The following LIPA variants were observed in gnomAD, a reference collection of about 807,000 sequenced individuals.
The protein encoded by LIPA is lipase A, lysosomal acid type.
A neutral mutation model predicts 40.6 loss-of-function variants in LIPA; 26 were observed. The observed-to-expected ratio is 0.64, with a 90% CI of 0.47 to 0.89. The LOEUF is 0.89. Ranked by LOEUF, LIPA falls within the 40% of genes least tolerant of loss-of-function variation. The probability of loss-of-function intolerance (pLI) is 0.00; values close to 1 mark genes in which losing one functional copy is unlikely to be tolerated. For missense variants in LIPA, 455 were observed against 479.6 expected, an observed-to-expected ratio of 0.95 and a Z score of 0.48; for synonymous variants, 188 against 168.4, an observed-to-expected ratio of 1.12 and a Z score of -0.90.
chr10:89,305,723 A>C (rs1843473668), intron 1 of LIPA, among the ~76,000 whole-genome samples: 1 of 152,116 alleles, frequency 6.6e-6, no homozygotes, highest in Non-Finnish European at 1.5e-5. Context: ...CTAGCCACAG[A>C]CTCAGAGAAC....
At chr10:89,222,744 A>G (rs1315016057) in intron 7 of LIPA, among the ~76,000 whole-genome samples, 162 bp from the exon 8 acceptor site, 1 of 152,232 alleles carries the variant, frequency 6.6e-6, no homozygotes, top group Non-Finnish European at 1.5e-5. Context: ...AATCTGCCCT[A>G]TAAAAATACA....
At chr10:89,389,417 G>C (rs754623113) in intron 2 of LIPA, among the ~76,000 whole-genome samples, 1 of 152,160 alleles carries the variant, frequency 6.6e-6, no homozygotes, top group Non-Finnish European at 1.5e-5. Context: ...CTGATGGAAA[G>C]GACTGCTGAG....
chr10:89,260,026 T>C (rs1177531210), intron 1 of LIPA, among the ~76,000 whole-genome samples: 1 of 152,244 alleles, frequency 6.6e-6, no homozygotes, highest in Admixed American at 6.5e-5. Flanking sequence ...AATTTAAATA[T>C]GTGCAGTTTA....
chr10:89,237,689 G>A (rs1842921817), intron 3 of LIPA, among the ~76,000 whole-genome samples: 1 of 152,194 alleles, frequency 6.6e-6, no homozygotes, highest in Non-Finnish European at 1.5e-5. Flanking sequence ...ACTGGACAAT[G>A]AGAACTATTT....
chr10:89,294,610 GA>G (rs1323812663), intron 1 of LIPA, among the ~76,000 whole-genome samples: 2 of 152,176 alleles, frequency 1.3e-5, no homozygotes, highest in African/African-American at 4.8e-5. Flanking sequence ...TCCAACACAT[GA>G]ACTTTGGAGG....
At chr10:89,375,558 T>G (rs936878185) in intron 2 of LIPA, among the ~76,000 whole-genome samples, 10 of 152,186 alleles carry the variant, frequency 6.6e-5, no homozygotes, top group Admixed American at 2.0e-4. Flanking sequence ...CATCAGGTGA[T>G]TCTGTCACCT....
intron 2 of LIPA, among the ~76,000 whole-genome samples, chr10:89,382,341 T>C (rs1844169548): frequency 6.6e-6 from 1 of 152,184 alleles, no homozygotes; most frequent in Non-Finnish European, 1.5e-5. Context: ...TATACTTACA[T>C]AGGATGTGAG....
chr10:89,256,477 C>T (rs1289095546), upstream of LIPA, among the ~76,000 whole-genome samples: 1 of 152,168 alleles, frequency 6.6e-6, no homozygotes, highest in African/African-American at 2.4e-5. Flanking sequence ...TTGTACTTGA[C>T]ATGAACTGAA....
At chr10:89,335,226 T>C (rs1843716871) in intron 1 of LIPA, 1 of 152,194 alleles carries the variant, frequency 6.6e-6, no homozygotes, top group Non-Finnish European at 1.5e-5. Flanking sequence ...CATGAGTAGT[T>C]GACTATCTTC....
chr10:89,237,557 C>A (rs1193216605), intron 3 of LIPA, among the ~76,000 whole-genome samples: 1 of 152,138 alleles, frequency 6.6e-6, no homozygotes, highest in Non-Finnish European at 1.5e-5. Context: ...CTCTACTGTT[C>A]TGTGCAAATG....
At chr10:89,303,492 G>A (rs553080154) in intron 1 of LIPA, among the ~76,000 whole-genome samples, 149 of 152,300 alleles carry the variant, frequency 9.8e-4, no homozygotes, top group East Asian at 1.4e-3. Context: ...TATAGGAATC[G>A]GGAGAATAGG....
intron 2 of LIPA, among the ~76,000 whole-genome samples, chr10:89,246,954 AAAATG>A (rs1197046340): frequency 6.6e-6 from 1 of 152,218 alleles, no homozygotes; most frequent in East Asian, 1.9e-4. Flanking sequence ...GTGAGACTTA[AAAATG>A]AAATGAATTA....
chr10:89,350,391 C>T (rs1334159904), intron 2 of LIPA, among the ~76,000 whole-genome samples: 8 of 152,000 alleles, frequency 5.3e-5, no homozygotes, highest in African/African-American at 1.4e-4. Context: ...CTGCAAGCTC[C>T]GCCTCCCAGG....
intron 7 of LIPA, among the ~76,000 whole-genome samples, 185 bp from the exon 8 acceptor site, chr10:89,222,767 C>T (rs1842717127): frequency 6.6e-6 from 1 of 152,166 alleles, no homozygotes; most frequent in Non-Finnish European, 1.5e-5. Context: ...CAACCACATA[C>T]AAAGTCCATA....
intron 1 of LIPA, among the ~76,000 whole-genome samples, chr10:89,316,776 G>A (rs1162079712): frequency 1.3e-5 from 2 of 152,232 alleles, no homozygotes; most frequent in Non-Finnish European, 2.9e-5. Context: ...CCTCAAGTGG[G>A]AGTTAGTCTG....
intron 8 of LIPA, among the ~76,000 whole-genome samples, chr10:89,220,896 T>C (rs1343667282): frequency 6.6e-6 from 1 of 152,156 alleles, no homozygotes; most frequent in East Asian, 1.9e-4. Flanking sequence ...TAAAAAGGAA[T>C]GAACTACTGA....
chr10:89,382,040 G>C (rs1249327340), intron 2 of LIPA, among the ~76,000 whole-genome samples: 4 of 152,084 alleles, frequency 2.6e-5, no homozygotes, highest in African/African-American at 9.7e-5. Flanking sequence ...AAAATGCTAG[G>C]ATTACAGGTG....
intron 1 of LIPA, among the ~76,000 whole-genome samples, chr10:89,300,119 A>C (rs76329571): frequency 0.032 from 4,841 of 152,320 alleles, 182 homozygotes; most frequent in African/African-American, 0.089. Context: ...AATTTGCAGC[A>C]ATGTAGTTGG....
At chr10:89,411,795 C>A (rs988140061) in intron 2 of LIPA, among the ~76,000 whole-genome samples, 1 of 152,144 alleles carries the variant, frequency 6.6e-6, no homozygotes, top group Non-Finnish European at 1.5e-5. Flanking sequence ...AGATGCCACC[C>A]GGTGTTTACA....
Sources: gnomAD v4.1 joint callset for allele counts (sites outside exome capture counted in the v4.1 genomes callset) on GRCh38, gnomAD v4.1.1 for gene constraint, MANE v1.5 for transcripts, NCBI Gene and HGNC (gene_info 2026-07-23, HGNC 2026-07-21) for gene names.